The following SACM1L variants were observed in gnomAD, a reference collection of about 807,000 sequenced individuals.
SACM1L encodes the protein SAC1 like phosphatidylinositide phosphatase, also known as phosphatidylinositol-3-phosphatase SAC1.
A neutral mutation model predicts 89.5 loss-of-function variants in SACM1L; 32 were observed. The ratio of observed to expected loss-of-function variants is 0.36; its 90% CI spans 0.27 to 0.48. The LOEUF (loss-of-function observed/expected upper bound fraction) is 0.48. SACM1L is among the 20% of genes least tolerant of loss of function. SACM1L has a pLI of 0.99. For missense variants in SACM1L, 543 were observed against 708.5 expected (o/e 0.77, Z 2.65); for synonymous variants, 213 against 232.8 (o/e 0.92, Z 0.77).
chr3:45,728,343 A>G (rs1326139164), intron 11 of SACM1L, among the ~76,000 whole-genome samples: 1 of 152,094 alleles, frequency 6.6e-6, no homozygotes, highest in Non-Finnish European at 1.5e-5. Flanking sequence ...TGTGTGTCCT[A>G]TAGCTTTTTG....
chr3:45,720,589 C>T (rs1307049105), intron 8 of SACM1L, among the ~76,000 whole-genome samples: 8 of 151,200 alleles, frequency 5.3e-5, no homozygotes, highest in Admixed American at 1.3e-4. Flanking sequence ...CCTTTTTTTC[C>T]TTCATATCTT....
intron 4 of SACM1L, chr3:45,707,117 G>A (rs1216180947): frequency 5.0e-6 from 2 of 396,484 alleles, no homozygotes; most frequent in African/African-American, 2.1e-5. Flanking sequence ...TAAAGATTCA[G>A]TTCTTAAATT....
At chr3:45,726,321 C>T (rs949927050) in intron 11 of SACM1L, among the ~76,000 whole-genome samples, 3 of 151,520 alleles carry the variant, frequency 2.0e-5, no homozygotes, top group African/African-American at 7.3e-5. Flanking sequence ...CTAGTAAAGC[C>T]ATCTAGTCCA....
chr3:45,731,462 G>GATT, intron 12 of SACM1L, 82 bp downstream of exon 12: 1 of 813,486 alleles, frequency 1.2e-6, no homozygotes, highest in Non-Finnish European at 1.9e-6. Context: ...GAGCTCACTA[G>GATT]ACATATGTTT....
intron 18 of SACM1L, 73 bp downstream of exon 18, chr3:45,738,946 A>G: frequency 1.1e-6 from 1 of 887,836 alleles, no homozygotes. Flanking sequence ...TTCAGTCTCA[A>G]TTTAAAACGT....
At chr3:45,694,018 C>T (rs1426290341) in intron 1 of SACM1L, among the ~76,000 whole-genome samples, 2 of 152,134 alleles carry the variant, frequency 1.3e-5, no homozygotes, top group Non-Finnish European at 1.5e-5. Context: ...GGCAGTTCGG[C>T]GTAGGTGTCA....
At position 45,697,269 on chromosome 3, in the gene SACM1L, CTTT is replaced by C. The variant is rs869095037; in HGVS notation, c.33-6146_33-6144del. Reference sequence around the variant, plus strand: ...CCTGCTTTGTTTTTCTTTTCTTTTCCTTTTTTTTTTTTTTTTTTTTTTTTTAAG... The same window carrying C: ...CCTGCTTTGTTTTTCTTTTCTTTTCCTTTTTTTTTTTTTTTTTTTTTTAAG... On this transcript the variant is annotated intron_variant, in intron 1 of 19. Coordinates refer to ENST00000389061, the MANE Select transcript of SACM1L (RefSeq NM_014016.5). 2.3e-3 allele frequency among the ~76,000 whole-genome samples: 212 copies of C among 92,108 alleles called. 3 individuals carry two copies. Among genetic ancestry groups the C allele is most frequent in the African/African-American group, 8.8e-3 (203 of 23,028 alleles). 60.4% of individuals were successfully genotyped at this position (92,108 alleles called of 152,430 possible).
At chr3:45,734,564 C>G (rs1020094029) in intron 13 of SACM1L, 3 of 151,994 alleles carry the variant, frequency 2.0e-5, no homozygotes, top group African/African-American at 7.3e-5. Context: ...TCAAGTGATC[C>G]TCCCACTTTA....
At chr3:45,691,495 TG>T (rs1428152624) in intron 1 of SACM1L, among the ~76,000 whole-genome samples, 14 of 152,338 alleles carry the variant, frequency 9.2e-5, no homozygotes, top group African/African-American at 2.9e-4. Context: ...TTTTAAAATG[TG>T]TCTGGAGATG....
In SACM1L at chr3:45,689,476, CG is replaced by C; in HGVS notation, c.13del (p.Ala5ProfsTer5). On this transcript the variant is annotated frameshift_variant, in exon 1 of 20. Coordinates refer to ENST00000389061, the MANE Select transcript of SACM1L (RefSeq NM_014016.5). LOFTEE classifies it high-confidence loss of function. Reference protein sequence around the residue: MATAAYEQLKLHIT... With the variant: MATXAYEQLKLHIT... ...AGGTGGTTGTGCAGGATGGCGACGG[CG>C]GCCTACGAGCAGCTGAAGCTGTGAG... 6.3e-7 allele frequency: 1 copy of C among 1,577,770 alleles called. No homozygotes were observed. The highest frequency in any genetic ancestry group is 1.2e-5 in the South Asian group (1 of 86,246).
Position 45,703,374 on chromosome 3 carries a change from AAGT to A in SACM1L, c.33-60_33-58del, listed in dbSNP as rs1470286872. The A allele has an allele frequency of 5.7e-6, 6 of 1,046,120 alleles. No individual in the cohort carries two copies. The African/African-American group carries it at 6.3e-5, about 11-fold the overall frequency. 64.8% of individuals were successfully genotyped at this position (1,046,120 alleles called of 1,614,324 possible). A position where few individuals can be genotyped will look rare whatever the true frequency, so the allele number is the denominator to read the frequency against. ...ATTTATACTCTGTAATTGTCATAAT[AAGT>A]AGTTTTTTAGAAGTCTTCATTTCAT... On this transcript the variant is annotated intron_variant, in intron 1 of 19. Transcript: ENST00000389061.
At position 45,735,378 on chromosome 3, in the gene SACM1L, G is replaced by A. The variant is rs1699175855; in HGVS notation, c.1239+5G>A. 1.3e-6 allele frequency: 2 copies of A among 1,484,692 alleles called. No individual in the cohort carries two copies. The highest frequency in any genetic ancestry group is 1.5e-5 in the African/African-American group (1 of 68,528). 92.0% of individuals were successfully genotyped at this position (1,484,692 alleles called of 1,614,324 possible). A position where few individuals can be genotyped will look rare whatever the true frequency, so the allele number is the denominator to read the frequency against. On this transcript the variant is annotated splice_donor_5th_base_variant and intron_variant, in intron 14 of 19. Coordinates refer to ENST00000389061, the MANE Select transcript of SACM1L (RefSeq NM_014016.5). ...TCACTTCAGGCCCAACTTCAGGTGC[G>A]AATGCTTTTTTTTTTTTTAATTGAA...
At chr3:45,695,572 G>T (rs986479609) in intron 1 of SACM1L, among the ~76,000 whole-genome samples, 1 of 152,118 alleles carries the variant, frequency 6.6e-6, no homozygotes, top group African/African-American at 2.4e-5. Flanking sequence ...AATTCTTTAC[G>T]TAAGATTTTT....
chr3:45,720,369 A>G (rs1296026738), intron 8 of SACM1L, among the ~76,000 whole-genome samples: 2 of 152,174 alleles, frequency 1.3e-5, no homozygotes, highest in African/African-American at 2.4e-5. Context: ...ACATATTTCA[A>G]ATATCAAAAA....
intron 3 of SACM1L, among the ~76,000 whole-genome samples, chr3:45,705,910 G>C (rs1698382557): frequency 6.6e-6 from 1 of 152,194 alleles, no homozygotes; most frequent in South Asian, 2.1e-4. Context: ...GTTCTGAGTT[G>C]TTAAGAAGGT....
chr3:45,711,834 T>TTG (rs1358256559), intron 5 of SACM1L, among the ~76,000 whole-genome samples: 1 of 152,208 alleles, frequency 6.6e-6, no homozygotes, highest in Non-Finnish European at 1.5e-5. Context: ...TTTAAAGACT[T>TTG]TGACACTTAC....
At chr3:45,740,181 A>AT (rs1056578786) in intron 19 of SACM1L, among the ~76,000 whole-genome samples, 2 of 152,204 alleles carry the variant, frequency 1.3e-5, no homozygotes, top group Non-Finnish European at 2.9e-5. Flanking sequence ...GGAACAGTCA[A>AT]TTATGCATTC....
rs755434397 is a variant in SACM1L, at chr3:45,689,511, G to A, written c.32+14G>A. On this transcript the variant is annotated intron_variant, in intron 1 of 19. Transcript: ENST00000389061. Reference sequence around the variant, plus strand: ...GCAGCTGAAGCTGTGAGTCCCACGGGCCAGAGGCCTGAGGCGCGGCGGGCG... The same window carrying A: ...GCAGCTGAAGCTGTGAGTCCCACGGACCAGAGGCCTGAGGCGCGGCGGGCG... 8.3e-6 allele frequency: 13 copies of A among 1,573,350 alleles called. No homozygotes were observed. The African/African-American group carries it at 1.7e-4, about 21-fold the overall frequency.
At chr3:45,694,586 T>C (rs1575381457) in intron 1 of SACM1L, among the ~76,000 whole-genome samples, 1 of 152,112 alleles carries the variant, frequency 6.6e-6, no homozygotes, top group Admixed American at 6.5e-5. Flanking sequence ...CTAGCCTAGG[T>C]TAGTGCTAGG....
Sources: gnomAD v4.1 joint callset for allele counts (sites outside exome capture counted in the v4.1 genomes callset) on GRCh38, gnomAD v4.1.1 for gene constraint, MANE v1.5 for transcripts, NCBI Gene and HGNC (gene_info 2026-07-23, HGNC 2026-07-21) for gene names.